SNX11: variants seen among roughly 807,000 people sequenced by gnomAD.
SNX11 encodes sorting nexin 11.
Under a neutral mutation model 30.7 loss-of-function variants are expected in SNX11, and 19 were observed. The observed-to-expected ratio is 0.62, with a 90% CI of 0.43 to 0.91. SNX11 has a LOEUF of 0.91. Ranked by LOEUF, SNX11 falls within the 40% of genes least tolerant of loss-of-function variation. The pLI, the probability that SNX11 is intolerant of heterozygous loss-of-function variation, is 0.00. For synonymous variants in SNX11, 112 were observed against 119.0 expected, an observed-to-expected ratio of 0.94 and a Z score of 0.38; for missense variants, 302 against 326.7, an observed-to-expected ratio of 0.92 and a Z score of 0.58.
At chr17:48,116,103 C>T (rs528014006) in intron 4 of SNX11, among the ~76,000 whole-genome samples, 56 of 152,012 alleles carry the variant, frequency 3.7e-4, no homozygotes, top group African/African-American at 1.3e-3. Context: ...ACTAAAAATA[C>T]AAAAAACTAG....
intron 4 of SNX11, among the ~76,000 whole-genome samples, chr17:48,115,576 A>G (rs2063537358): frequency 1.3e-5 from 2 of 152,164 alleles, no homozygotes; most frequent in Non-Finnish European, 2.9e-5. Flanking sequence ...TTTGACAGCT[A>G]GTGTTTCCAT....
intron 2 of SNX11, 166 bp downstream of exon 2, chr17:48,112,251 T>A (rs2063499584): frequency 1.4e-6 from 1 of 733,684 alleles, no homozygotes; most frequent in Middle Eastern, 3.5e-4. Flanking sequence ...AGCAGAGGCA[T>A]TCCTAGGAAA....
Position 48,112,584 on chromosome 17 carries a change from C to T in SNX11, c.53C>T (p.Thr18Ile). 6.2e-7 allele frequency: 1 copy of T among 1,612,230 alleles called. No homozygotes were observed. The highest frequency in any genetic ancestry group is 8.5e-7 in the Non-Finnish European group (1 of 1,178,520). The stretch of plus-strand genomic sequence containing the variant: ...TTTTCTTACCTACAGGAGGTGATTA[C>T]AGTGCGTGTTCAGGACCCCCGAGTG... ...SENQEQEEVI[T>I]VRVQDPRVQN... Residue 18 changes from threonine (T) to isoleucine (I), a missense_variant, in exon 3 of 7, where the codon ACA becomes ATA. By Grantham distance (89) the Thr-to-Ile change is moderately conservative. Transcript: ENST00000359238.
At chr17:48,111,070 G>A (rs1404729979) in intron 1 of SNX11, 1 of 985,058 alleles carries the variant, frequency 1.0e-6, no homozygotes, top group Admixed American at 6.2e-5. Flanking sequence ...GAGTCGACCT[G>A]TGCAGCTGTG....
chr17:48,119,255 T>C (rs17618349), intron 6 of SNX11, 69 bp downstream of exon 6: 37,093 of 1,211,568 alleles, frequency 0.031, 711 homozygotes, highest in Non-Finnish European at 0.037. Context: ...AGGTGTCCAT[T>C]TGTTAGGGAA....
chr17:48,112,582 T>C lies in SNX11; in HGVS notation c.51T>C (p.Ile17=). ...GCTTTTCTTACCTACAGGAGGTGAT[T>C]ACAGTGCGTGTTCAGGACCCCCGAG... ...MSENQEQEEV[I]TVRVQDPRVQ... The change falls in exon 3 of 7, where the codon ATT becomes ATC. Residue 17 remains isoleucine, a synonymous_variant. Coordinates refer to ENST00000359238, the MANE Select transcript of SNX11 (RefSeq NM_013323.3). 1 of 1,612,500 alleles carries C rather than the reference T, an allele frequency of 6.2e-7. No homozygotes were observed. The highest frequency in any genetic ancestry group is 8.5e-7 in the Non-Finnish European group (1 of 1,178,752).
At chr17:48,121,081 G>T (rs917683173) in intron 6 of SNX11, among the ~76,000 whole-genome samples, 154 bp from the exon 7 acceptor site, 1 of 152,082 alleles carries the variant, frequency 6.6e-6, no homozygotes, top group African/African-American at 2.4e-5. Context: ...GACCTCCAAG[G>T]CTCAAGCAAT....
intron 2 of SNX11, 119 bp downstream of exon 2, chr17:48,112,204 G>C (rs1249360727): frequency 4.3e-6 from 4 of 926,228 alleles, no homozygotes; most frequent in Non-Finnish European, 7.2e-6. Flanking sequence ...TGGTGGTTCT[G>C]ATGAGCTCAG....
Position 48,119,062 on chromosome 17 carries a change from G to A in SNX11, c.415G>A (p.Val139Ile). The change falls in exon 6 of 7, where the codon GTC becomes ATC. Residue 139 changes from valine to isoleucine, a missense_variant. Coordinates refer to ENST00000359238, the MANE Select transcript of SNX11 (RefSeq NM_013323.3). ...QLSVPEIEAC[V>I]QGRSTMTVSD... Reference sequence around the variant, plus strand: ...CTCGGTGCCTGAGATAGAAGCCTGTGTCCAGGGCCGAAGTACCATGACTGT... The same window carrying A: ...CTCGGTGCCTGAGATAGAAGCCTGTATCCAGGGCCGAAGTACCATGACTGT... 2 of 1,614,144 alleles carry A rather than the reference G, an allele frequency of 1.2e-6. No homozygotes were observed.
chr17:48,120,416 C>T (rs1264180640), intron 6 of SNX11, among the ~76,000 whole-genome samples: 1 of 151,122 alleles, frequency 6.6e-6, no homozygotes. Flanking sequence ...CCATGTTGGC[C>T]AGGCTGGTCT....
chr17:48,118,711 C>A lies in SNX11; in HGVS notation c.238C>A (p.Pro80Thr). ...TATCATGTGGCTGCACAGGCCTGTT[C>A]CTGAACTTCCTGGGAAGTCAACCTT... is the stretch of plus-strand genomic sequence containing the variant. The part of the protein sequence containing the change: ...LQRNAGLVPV[P>T]ELPGKSTFFG... The change falls in exon 5 of 7, where the codon CCT becomes ACT. Residue 80 changes from proline to threonine, a missense_variant. Physicochemically the swap from Pro to Thr is conservative, Grantham distance 38. Coordinates refer to ENST00000359238, the MANE Select transcript of SNX11 (RefSeq NM_013323.3). The A allele has an allele frequency of 6.2e-7, 1 of 1,613,588 alleles. No homozygotes were observed. The highest frequency in any genetic ancestry group is 8.5e-7 in the Non-Finnish European group (1 of 1,179,602).
intron 3 of SNX11, 39 bp downstream of exon 3, chr17:48,112,699 G>A (rs1405095721): frequency 7.5e-7 from 1 of 1,340,488 alleles, no homozygotes. Flanking sequence ...TCAGCGCTCT[G>A]CAGGGCTGAG....
intron 6 of SNX11, 98 bp downstream of exon 6, chr17:48,119,284 G>A: frequency 1.0e-6 from 1 of 968,186 alleles, no homozygotes; most frequent in South Asian, 1.4e-5. Flanking sequence ...CATAGCATTG[G>A]TAGCCTTTCA....
intron 4 of SNX11, 82 bp from the exon 5 acceptor site, chr17:48,118,622 A>T: frequency 1.0e-6 from 1 of 968,774 alleles, no homozygotes; most frequent in Non-Finnish European, 1.6e-6. Context: ...ACCTCTTTTT[A>T]AGGGATTTCC....
intron 3 of SNX11, chr17:48,113,006 G>A: frequency 3.2e-6 from 1 of 311,052 alleles, no homozygotes; most frequent in Non-Finnish European, 6.1e-6. Context: ...CCAAAGTGCT[G>A]GGATTATAGG....
At position 48,112,060 on chromosome 17, in the gene SNX11, G is replaced by A. The variant is rs1461454135; in HGVS notation, c.17G>A (p.Arg6Lys). Residue 6 changes from arginine to lysine, a missense_variant, in exon 2 of 7, where the codon AGG (arginine) becomes AAG (lysine). Physicochemically the swap from Arg to Lys is conservative, Grantham distance 26. Coordinates refer to ENST00000359238, the MANE Select transcript of SNX11 (RefSeq NM_013323.3). ...TTCCTTCCAATGGGCTTTTGGTGTA[G>A]GATGTCGGAGAACCAAGAACAGGAG... MGFWC[R>K]MSENQEQEEV... The A allele has an allele frequency of 2.5e-6, 4 of 1,613,628 alleles. No homozygotes were observed. The African/African-American group carries it at 4.0e-5, about 16-fold the overall frequency.
intron 2 of SNX11, chr17:48,112,362 C>T (rs951060912): frequency 3.1e-6 from 2 of 638,954 alleles, no homozygotes; most frequent in Non-Finnish European, 5.6e-6. Context: ...GCTTTATCCC[C>T]AGTGCCTATA....
chr17:48,117,437 A>G (rs7224648), intron 4 of SNX11, among the ~76,000 whole-genome samples: 34,200 of 151,316 alleles, frequency 0.23, 4,151 homozygotes, highest in South Asian at 0.33. Context: ...TCTATTTTTT[A>G]GTTGAGATGG....
chr17:48,112,017 C>G lies in SNX11; in HGVS notation c.-13-14C>G, dbSNP rs1342067042. 6.2e-7 allele frequency: 1 copy of G among 1,605,296 alleles called. No homozygotes were observed. Among genetic ancestry groups the G allele is most frequent in the East Asian group, 2.2e-5 (1 of 44,842 alleles). On this transcript the variant is annotated splice_polypyrimidine_tract_variant and intron_variant, in intron 1 of 6. Transcript: ENST00000359238. ...CATACTAACCTTGATCCTGTATCCT[C>G]TGTCCCTCATCAGATGTTTCCTTCC...
Sources: allele counts gnomAD v4.1 joint callset (sites outside exome capture counted in the v4.1 genomes callset), GRCh38; gene constraint gnomAD v4.1.1; transcripts MANE v1.5; gene names NCBI Gene and HGNC (gene_info 2026-07-23, HGNC 2026-07-21).